The following CAMTA1 variants were observed in gnomAD, a reference collection of about 807,000 sequenced individuals.
CAMTA1 encodes calmodulin binding transcription activator 1.
Under a neutral mutation model 170.9 loss-of-function variants are expected in CAMTA1, and 27 were observed. The ratio of observed to expected loss-of-function variants is 0.16; its 90% confidence interval spans 0.12 to 0.22. CAMTA1 has a LOEUF of 0.22. Among genes scored for constraint, CAMTA1 ranks in the 10% least tolerant of loss-of-function variants. The pLI is 1.00. For missense variants in CAMTA1, 1,619 were observed against 2,217.2 expected (o/e 0.73, Z 5.42); for synonymous variants, 833 against 891.5 (o/e 0.93, Z 1.17).
At chr1:7,331,098 G>A (rs1305988821) in intron 5 of CAMTA1, among the ~76,000 whole-genome samples, 2 of 152,144 alleles carry the variant, frequency 1.3e-5, no homozygotes, top group African/African-American at 2.4e-5. Context: ...AAATTAGCTG[G>A]GAGTGATGGC....
intron 5 of CAMTA1, among the ~76,000 whole-genome samples, chr1:7,461,295 G>A (rs776954934): frequency 9.9e-5 from 15 of 152,134 alleles, no homozygotes; most frequent in South Asian, 6.2e-4. Flanking sequence ...CCCCCAGATC[G>A]TGGCCCCTGG....
chr1:6,987,457 G>A (rs948172510), intron 3 of CAMTA1, among the ~76,000 whole-genome samples: 1 of 152,182 alleles, frequency 6.6e-6, no homozygotes, highest in Non-Finnish European at 1.5e-5. Flanking sequence ...GAGCCATCAC[G>A]CCCGGCCAAA....
intron 6 of CAMTA1, among the ~76,000 whole-genome samples, chr1:7,550,649 C>CCTGG: frequency 6.6e-6 from 1 of 151,498 alleles, no homozygotes; most frequent in East Asian, 2.0e-4. Flanking sequence ...ACCACACCTA[C>CCTGG]CTGGCCTCCT....
chr1:7,643,782 G>A (rs1166316063), intron 7 of CAMTA1, among the ~76,000 whole-genome samples: 1 of 152,200 alleles, frequency 6.6e-6, no homozygotes, highest in Non-Finnish European at 1.5e-5. Flanking sequence ...GGGCGTGCGT[G>A]TGCACGGCTC....
intron 5 of CAMTA1, among the ~76,000 whole-genome samples, chr1:7,432,468 T>G (rs2092205718): frequency 6.6e-6 from 1 of 152,182 alleles, no homozygotes; most frequent in South Asian, 2.1e-4. Flanking sequence ...GCCAGGGAAT[T>G]GAGGCACAGA....
At chr1:7,536,843 CT>C (rs1029563443) in intron 6 of CAMTA1, among the ~76,000 whole-genome samples, 16 of 113,660 alleles carry the variant, frequency 1.4e-4, no homozygotes, top group African/African-American at 3.7e-4. Context: ...CCCTGAGCTA[CT>C]CCCAGGGATC....
chr1:6,922,600 C>T (rs1170534160), intron 3 of CAMTA1, among the ~76,000 whole-genome samples: 1 of 152,188 alleles, frequency 6.6e-6, no homozygotes, highest in Non-Finnish European at 1.5e-5. Context: ...GCCTCAAATG[C>T]ATGTCCTGAG....
At chr1:7,603,152 A>G (rs1441476715) in intron 6 of CAMTA1, among the ~76,000 whole-genome samples, 2 of 152,150 alleles carry the variant, frequency 1.3e-5, no homozygotes, top group Non-Finnish European at 2.9e-5. Context: ...AAAAGAATGT[A>G]TATTCTGTTG....
At position 7,585,159 on chromosome 1, in the gene CAMTA1, T is replaced by G. The variant is rs1287549703; in HGVS notation, c.511-55241T>G. Reference sequence around the variant, plus strand: ...TCACGTTTTGCCACCAAATGAGTTATGAACAAGCTGTGGCTTTTAGAGCTT... The same window carrying G: ...TCACGTTTTGCCACCAAATGAGTTAGGAACAAGCTGTGGCTTTTAGAGCTT... On this transcript the variant is annotated intron_variant, in intron 6 of 22. Coordinates refer to ENST00000303635, the MANE Select transcript of CAMTA1 (RefSeq NM_015215.4). The surrounding 1 kb of genome is among the most constrained non-coding windows in gnomAD (Gnocchi z 4.8). Among the ~76,000 whole-genome samples, 2 of 152,212 alleles carry G rather than the reference T, an allele frequency of 1.3e-5. No individual in the cohort carries two copies. Among genetic ancestry groups the G allele is most frequent in the African/African-American group, 4.8e-5 (2 of 41,458 alleles).
chr1:7,124,097 G>T (rs1644797738), intron 4 of CAMTA1, among the ~76,000 whole-genome samples: 1 of 152,144 alleles, frequency 6.6e-6, no homozygotes, highest in South Asian at 2.1e-4. Flanking sequence ...CCTGCTGGGT[G>T]CCTTGTCATT....
At chr1:7,373,387 G>A (rs927350216) in intron 5 of CAMTA1, among the ~76,000 whole-genome samples, 14 of 152,324 alleles carry the variant, frequency 9.2e-5, no homozygotes, top group South Asian at 6.2e-4. Flanking sequence ...AGGGAGCCCC[G>A]AGTTGGCTGC....
rs1553180447 is a variant in CAMTA1 at position 6,902,074 on chromosome 1, A to ACACACACACACACACAC, written c.234+76864_234+76865insCACACACACACACACAC. Among the ~76,000 whole-genome samples the ACACACACACACACACAC allele has an allele frequency of 9.6e-4, 73 of 75,738 alleles. 1 individual carries two copies. Among genetic ancestry groups the ACACACACACACACACAC allele is most frequent in the Admixed American group, 3.2e-3 (22 of 6,952 alleles). 49.7% of individuals were successfully genotyped at this position (75,738 alleles called of 152,430 possible). On this transcript the variant is annotated intron_variant, in intron 3 of 22. Coordinates refer to ENST00000303635, the MANE Select transcript of CAMTA1 (RefSeq NM_015215.4). ...ACACACACACACACACACACACACA[A>ACACACACACACACACAC]AAAAAAAAATAAAAATAAAAACTCG...
chr1:7,391,019 T>A (rs954779094), intron 5 of CAMTA1, among the ~76,000 whole-genome samples: 1 of 152,012 alleles, frequency 6.6e-6, no homozygotes, highest in African/African-American at 2.4e-5. Context: ...TTTTTTTTTA[T>A]GGAGTTTTGC....
At chr1:7,759,820 A>C (rs75261070) in intron 22 of CAMTA1, among the ~76,000 whole-genome samples, 4 of 152,146 alleles carry the variant, frequency 2.6e-5, no homozygotes, top group Admixed American at 2.0e-4. Flanking sequence ...TGCTTGACCT[A>C]AAAAAATAAA....
intron 7 of CAMTA1, among the ~76,000 whole-genome samples, chr1:7,647,522 G>A (rs1482003321): frequency 6.6e-6 from 1 of 152,138 alleles, no homozygotes; most frequent in African/African-American, 2.4e-5. Flanking sequence ...TCCCACCCGC[G>A]CCTCTGGACC....
At chr1:7,660,259 G>A (rs2095943445) in intron 7 of CAMTA1, among the ~76,000 whole-genome samples, 1 of 152,204 alleles carries the variant, frequency 6.6e-6, no homozygotes, top group South Asian at 2.1e-4. Context: ...GTAGAGACGG[G>A]TTTCACCATG....
chr1:6,926,486 TTCTC>T (rs1186679826), intron 3 of CAMTA1, among the ~76,000 whole-genome samples: 47 of 134,832 alleles, frequency 3.5e-4, no homozygotes, highest in Non-Finnish European at 5.2e-4. Flanking sequence ...CTTTCTTTCT[TTCTC>T]TCTCTCTTTT....
intron 5 of CAMTA1, among the ~76,000 whole-genome samples, chr1:7,369,527 G>C (rs1308885446): frequency 2.0e-5 from 3 of 152,142 alleles, no homozygotes; most frequent in Non-Finnish European, 2.9e-5. Flanking sequence ...AATCAGCTGA[G>C]GGAAGAGACA....
intron 3 of CAMTA1, among the ~76,000 whole-genome samples, chr1:6,963,504 T>G (rs1321495953): frequency 6.6e-6 from 1 of 152,042 alleles, no homozygotes; most frequent in African/African-American, 2.4e-5. Flanking sequence ...AGGGGGTGCC[T>G]TTCTTGGATT....
Sources: allele counts gnomAD v4.1 joint callset (sites outside exome capture counted in the v4.1 genomes callset), GRCh38; gene constraint gnomAD v4.1.1; non-coding constraint Gnocchi (gnomAD v3.1); transcripts MANE v1.5; gene names NCBI Gene and HGNC (gene_info 2026-07-23, HGNC 2026-07-21).